The following UACA variants were observed in gnomAD, a reference collection of about 807,000 sequenced individuals.
UACA encodes the protein nuclear membrane binding protein.
Under a neutral mutation model 160.5 loss-of-function variants are expected in UACA, and 112 were observed. The observed-to-expected ratio is 0.70, with a 90% CI of 0.60 to 0.82. UACA has a LOEUF of 0.82. Ranked by LOEUF, UACA falls within the 40% of genes least tolerant of loss-of-function variation. UACA has a pLI of 0.00. For missense variants in UACA, 1,574 were observed against 1,614.6 expected (o/e 0.97, Z 0.43); for synonymous variants, 557 against 568.4 (o/e 0.98, Z 0.29).
At chr15:70,730,040 G>GA (rs1161586143) in intron 1 of UACA, among the ~76,000 whole-genome samples, 5 of 53,022 alleles carry the variant, frequency 9.4e-5, no homozygotes, top group Non-Finnish European at 1.4e-4. Context: ...CAAAGATGGG[G>GA]AAAAAACAGA....
the UACA span, among the ~76,000 whole-genome samples, chr15:70,778,526 C>T: frequency 6.6e-6 from 1 of 152,236 alleles, no homozygotes; most frequent in East Asian, 1.9e-4. Flanking sequence ...CTCTCTCTGA[C>T]TCTGAACTCA....
chr15:70,684,424 C>T lies in UACA; in HGVS notation c.625G>A (p.Glu209Lys), dbSNP rs368611824. 28 of 1,610,928 alleles carry T rather than the reference C, an allele frequency of 1.7e-5. No individual in the cohort carries two copies. The highest frequency in any genetic ancestry group is 1.5e-4 in the African/African-American group (11 of 74,884). ...QNRTALMLGCEYGCRDAVEVL... is the reference protein window; with the variant it reads ...QNRTALMLGCKYGCRDAVEVL... Reference sequence around the variant, plus strand: ...TCTACTGCATCTCTGCAACCATATTCGCAACCTAGCATGAGGGCAGTTCTA... The same window carrying T: ...TCTACTGCATCTCTGCAACCATATTTGCAACCTAGCATGAGGGCAGTTCTA... Residue 209 changes from glutamate (E) to lysine (K), a missense_variant, in exon 8 of 19, where the codon GAA becomes AAA. Glu to Lys is a moderately conservative substitution (Grantham distance 56). Transcript: ENST00000322954.
At chr15:70,702,566 T>C (rs949310778) in intron 1 of UACA, among the ~76,000 whole-genome samples, 2 of 152,214 alleles carry the variant, frequency 1.3e-5, no homozygotes, top group African/African-American at 4.8e-5. Context: ...AGAGACAAAT[T>C]TGGTTATTCC....
chr15:70,702,432 T>A (rs1369303334), intron 1 of UACA: 3 of 469,338 alleles, frequency 6.4e-6, no homozygotes, highest in Non-Finnish European at 8.4e-6. Flanking sequence ...TAAGAATATA[T>A]TGTAAATGCA....
At chr15:70,711,935 G>A (rs980261159) in intron 1 of UACA, among the ~76,000 whole-genome samples, 33 of 151,816 alleles carry the variant, frequency 2.2e-4, no homozygotes, top group Admixed American at 3.3e-4. Context: ...CAAACACAAC[G>A]TATGGCCTTT....
intron 1 of UACA, among the ~76,000 whole-genome samples, chr15:70,760,944 C>T (rs984855912): frequency 1.3e-5 from 2 of 152,106 alleles, no homozygotes; most frequent in African/African-American, 2.4e-5. Flanking sequence ...TTCCATGATG[C>T]ATGAAAGGAA....
chr15:70,680,732 C>G (rs1739160704), intron 9 of UACA, among the ~76,000 whole-genome samples: 6 of 152,146 alleles, frequency 3.9e-5, no homozygotes. Flanking sequence ...CAACCGCATC[C>G]TTTAATTAAG....
intron 1 of UACA, among the ~76,000 whole-genome samples, chr15:70,718,036 C>T (rs1453065947): frequency 6.6e-6 from 1 of 150,918 alleles, no homozygotes; most frequent in Non-Finnish European, 1.5e-5. Context: ...TATACACACA[C>T]ACACACACAC....
At chr15:70,700,817 C>CA (rs1276842692) in intron 1 of UACA, among the ~76,000 whole-genome samples, 3 of 151,538 alleles carry the variant, frequency 2.0e-5, no homozygotes, top group African/African-American at 7.3e-5. Context: ...ATTTCTAGAA[C>CA]AAAAAAAGAT....
chr15:70,737,709 A>AAAAATAAAAT (rs550968633), intron 1 of UACA, among the ~76,000 whole-genome samples: 8 of 152,292 alleles, frequency 5.3e-5, no homozygotes, highest in African/African-American at 1.9e-4. Context: ...CTCCATCTCA[A>AAAAATAAAAT]AAAATAAAAT....
intron 1 of UACA, among the ~76,000 whole-genome samples, chr15:70,720,752 GAT>G (rs1898965185): frequency 6.6e-6 from 1 of 152,200 alleles, no homozygotes; most frequent in Non-Finnish European, 1.5e-5. Context: ...AACTGTGGTA[GAT>G]TATATTACTG....
At chr15:70,744,052 G>A (rs1226326008) in intron 1 of UACA, among the ~76,000 whole-genome samples, 1 of 151,952 alleles carries the variant, frequency 6.6e-6, no homozygotes, top group Non-Finnish European at 1.5e-5. Context: ...AGACCATCCT[G>A]GCTAACACGG....
At chr15:70,775,523 C>T in the UACA span, among the ~76,000 whole-genome samples, 5 of 149,190 alleles carry the variant, frequency 3.4e-5, no homozygotes, top group African/African-American at 7.3e-5. Context: ...AAAGGAACAC[C>T]GGGCATGAAT....
At chr15:70,717,197 A>G (rs1489414509) in intron 1 of UACA, among the ~76,000 whole-genome samples, 1 of 152,172 alleles carries the variant, frequency 6.6e-6, no homozygotes, top group Non-Finnish European at 1.5e-5. Flanking sequence ...CTCCAACCTG[A>G]GCAACAAGAG....
Position 70,667,691 on chromosome 15 carries a change from A to C in UACA, c.2993T>G (p.Phe998Cys), listed in dbSNP as rs770500675. Residue 998 changes from phenylalanine (F) to cysteine (C), a missense_variant, in exon 16 of 19, where the codon TTT becomes TGT. By Grantham distance (205) the Phe-to-Cys change is radical (BLOSUM62 -2). Transcript: ENST00000322954. ...IVSFEECERK[F>C]KATEKELKDQ... Reference sequence around the variant, plus strand: ...TTTTAGTTCTTTCTCTGTTGCTTTAAATTTTCTCTCGCACTCCTCAAAGCT... The same window carrying C: ...TTTTAGTTCTTTCTCTGTTGCTTTACATTTTCTCTCGCACTCCTCAAAGCT... The C allele has an allele frequency of 7.4e-6, 12 of 1,613,590 alleles. No individual in the cohort carries two copies. In the South Asian group the frequency reaches 1.3e-4, roughly 18 times the overall value.
chr15:70,712,335 T>C (rs778314822), intron 1 of UACA, among the ~76,000 whole-genome samples: 8 of 152,128 alleles, frequency 5.3e-5, no homozygotes, highest in Non-Finnish European at 8.8e-5. Context: ...CATCTCCATG[T>C]CCATCAAAAT....
intron 1 of UACA, among the ~76,000 whole-genome samples, chr15:70,758,094 C>T (rs1053101265): frequency 6.6e-6 from 1 of 152,104 alleles, no homozygotes; most frequent in Non-Finnish European, 1.5e-5. Context: ...ATTACACCAT[C>T]CTTATTAAAA....
intron 1 of UACA, among the ~76,000 whole-genome samples, chr15:70,754,411 C>A (rs1437530341): frequency 6.6e-6 from 1 of 152,106 alleles, no homozygotes; most frequent in African/African-American, 2.4e-5. Flanking sequence ...ATAAAATAGG[C>A]TTTGTGTTAG....
chr15:70,684,792 T>C (rs1897650060), intron 7 of UACA, among the ~76,000 whole-genome samples: 1 of 152,154 alleles, frequency 6.6e-6, no homozygotes, highest in Non-Finnish European at 1.5e-5. Context: ...TAAGAAGTCA[T>C]GCCTGTTACA....
Sources: gnomAD v4.1 joint callset for allele counts (sites outside exome capture counted in the v4.1 genomes callset) on GRCh38, gnomAD v4.1.1 for gene constraint, MANE v1.5 for transcripts, NCBI Gene and HGNC (gene_info 2026-07-23, HGNC 2026-07-21) for gene names.